Variants in LAMA1 observed in about 807,000 individuals in gnomAD.
LAMA1 encodes the protein laminin subunit alpha-1.
Under a neutral mutation model 348.7 loss-of-function variants are expected in LAMA1, and 219 were observed. The observed-to-expected ratio is 0.63, with a 90% confidence interval of 0.56 to 0.70. LAMA1 has a LOEUF of 0.70. Among genes scored for constraint, LAMA1 ranks in the 30% least tolerant of loss-of-function variants. The pLI is 0.00. For synonymous variants in LAMA1, 1,487 were observed against 1,491.0 expected (o/e 1.00, Z 0.06); for missense variants, 3,744 against 3,888.0 (o/e 0.96, Z 0.99).
chr18:7,089,344 A>G (rs1418755311), intron 1 of LAMA1, among the ~76,000 whole-genome samples: 2 of 106,000 alleles, frequency 1.9e-5, no homozygotes, highest in African/African-American at 7.6e-5. Flanking sequence ...GTGCCACTGC[A>G]CTCCAGCCTG....
At chr18:7,014,362 T>C (rs2057875778) in intron 22 of LAMA1, among the ~76,000 whole-genome samples, 1 of 152,212 alleles carries the variant, frequency 6.6e-6, no homozygotes, top group South Asian at 2.1e-4. Flanking sequence ...GGTTCACGCC[T>C]GCAATTATGG....
chr18:6,978,164 G>T lies in LAMA1; in HGVS notation c.6190+32C>A, dbSNP rs118037753. On this transcript the variant is annotated intron_variant, in intron 43 of 62. Coordinates refer to ENST00000389658, the MANE Select transcript of LAMA1 (RefSeq NM_005559.4). ...AGCTCCACGTCTGCATGACGCAGAC[G>T]ATCATGACTGGAAGGAAGGGCGCTG... The T allele has an allele frequency of 2.6e-3, 4,191 of 1,613,420 alleles. 9 individuals are homozygous for T. The highest frequency in any genetic ancestry group is 3.3e-3 in the Middle Eastern group (20 of 6,060).
At chr18:6,973,325 C>A in intron 46 of LAMA1, 118 bp from the exon 47 acceptor site, 1 of 866,140 alleles carries the variant, frequency 1.2e-6, no homozygotes, top group Non-Finnish European at 1.9e-6. Flanking sequence ...AACAGCACCC[C>A]CCTGCTGGCC....
In LAMA1 at chr18:6,966,234, T is replaced by A. The variant is rs147238612; in HGVS notation, c.6963A>T (p.Ser2321=). 15 of 1,613,824 alleles carry A rather than the reference T, an allele frequency of 9.3e-6. No individual in the cohort carries two copies. ...DGSGYSVVEK[S]LPATVTQIIM... is the part of the protein sequence containing the mutation. ...TTATCTGGGTCACGGTAGCCGGAAGTGACTTCTCCACGACAGAGTACCCAC... is the reference window on the plus strand; with the variant it reads ...TTATCTGGGTCACGGTAGCCGGAAGAGACTTCTCCACGACAGAGTACCCAC... Residue 2321 remains serine (S), a synonymous_variant, in exon 49 of 63, where the codon TCA becomes TCT. Transcript: ENST00000389658.
chr18:6,970,334 G>A (rs2144026206), intron 48 of LAMA1, among the ~76,000 whole-genome samples: 1 of 152,320 alleles, frequency 6.6e-6, no homozygotes, highest in Middle Eastern at 3.4e-3. Flanking sequence ...ATCACTGTAG[G>A]AGACCAGTGG....
At chr18:7,040,472 G>A (rs2058015797) in intron 9 of LAMA1, among the ~76,000 whole-genome samples, 1 of 152,200 alleles carries the variant, frequency 6.6e-6, no homozygotes, top group Non-Finnish European at 1.5e-5. Flanking sequence ...AACAGACAGT[G>A]TGCTGGATTT....
chr18:6,964,592 T>C, intron 51 of LAMA1, 70 bp downstream of exon 51: 1 of 1,564,096 alleles, frequency 6.4e-7, no homozygotes, highest in Non-Finnish European at 8.8e-7. Flanking sequence ...TGTGATACAG[T>C]CCATTCTCAG....
chr18:6,962,083 A>G, intron 51 of LAMA1, 24 bp from the exon 52 acceptor site: 6 of 1,565,840 alleles, frequency 3.8e-6, no homozygotes, highest in Non-Finnish European at 5.3e-6. Flanking sequence ...CATGAGAACA[A>G]TCACAAAATT....
At position 6,966,250 on chromosome 18, in the gene LAMA1, G is replaced by A. The variant is rs749294927; in HGVS notation, c.6947C>T (p.Ser2316Phe). The change falls in exon 49 of 63, where the codon TCT becomes TTT. Residue 2316 changes from serine (S) to phenylalanine (F), a missense_variant. Coordinates refer to ENST00000389658, the MANE Select transcript of LAMA1 (RefSeq NM_005559.4). ...AGCCGGAAGTGACTTCTCCACGACA[G>A]AGTACCCACTCCCGTCAAAATGGAA... ...PSFHFDGSGY[S>F]VVEKSLPATV... 8 of 1,613,954 alleles carry A rather than the reference G, an allele frequency of 5.0e-6. No individual in the cohort carries two copies. The highest frequency in any genetic ancestry group is 5.9e-6 in the Non-Finnish European group (7 of 1,179,954).
intron 55 of LAMA1, 84 bp from the exon 56 acceptor site, chr18:6,956,849 GAAAATCAATT>G: frequency 2.8e-6 from 4 of 1,453,980 alleles, no homozygotes; most frequent in Non-Finnish European, 1.9e-6. Flanking sequence ...ACTGTACAAT[GAAAATCAATT>G]AAAAACCATG....
intron 5 of LAMA1, among the ~76,000 whole-genome samples, 157 bp downstream of exon 5, chr18:7,048,921 A>G (rs141051835): frequency 2.2e-4 from 33 of 152,364 alleles, no homozygotes; most frequent in African/African-American, 7.5e-4. Context: ...GTAACAACAT[A>G]GCAATCTTAC....
intron 34 of LAMA1, among the ~76,000 whole-genome samples, chr18:6,994,860 A>G (rs2057774186): frequency 6.6e-6 from 1 of 152,168 alleles, no homozygotes; most frequent in African/African-American, 2.4e-5. Context: ...CTCACTTGCC[A>G]TTCAGGGCCC....
chr18:7,078,461 T>C (rs1307310196), intron 3 of LAMA1, among the ~76,000 whole-genome samples: 1 of 151,672 alleles, frequency 6.6e-6, no homozygotes, highest in Admixed American at 6.6e-5. Context: ...CCACCGCACC[T>C]GGCTCTTTTC....
intron 3 of LAMA1, among the ~76,000 whole-genome samples, chr18:7,066,495 C>T (rs1462784): frequency 0.048 from 7,256 of 152,136 alleles, 582 homozygotes; most frequent in African/African-American, 0.17. Context: ...TATTGATATT[C>T]AATATCTAAA....
intron 3 of LAMA1, among the ~76,000 whole-genome samples, chr18:7,051,890 C>T (rs1324733896): frequency 1.3e-5 from 2 of 152,122 alleles, no homozygotes; most frequent in African/African-American, 4.8e-5. Flanking sequence ...ACTAAACATG[C>T]TCACCATTCT....
intron 1 of LAMA1, among the ~76,000 whole-genome samples, chr18:7,107,376 C>T (rs2058316548): frequency 6.6e-6 from 1 of 152,084 alleles, no homozygotes; most frequent in African/African-American, 2.4e-5. Flanking sequence ...CCTCCGCCTC[C>T]CAAAGTGCTG....
In LAMA1 at chr18:6,986,151, G is replaced by A; in HGVS notation, c.5365C>T (p.Leu1789=). 1 of 1,614,204 alleles carries A rather than the reference G, an allele frequency of 6.2e-7. No individual in the cohort carries two copies. The highest frequency in any genetic ancestry group is 8.5e-7 in the Non-Finnish European group (1 of 1,180,042). ...NHLLLMVNAN[L]REFSDKKLHV... is the part of the protein sequence containing the mutation. ...GTGAGACTCACACTGAATTCTCTCAGATTAGCATTGACCATGAGCAGCAGG... is the reference window on the plus strand; with the variant it reads ...GTGAGACTCACACTGAATTCTCTCAAATTAGCATTGACCATGAGCAGCAGG... Residue 1789 remains leucine (L), a synonymous_variant, in exon 37 of 63, where the codon CTG becomes TTG. Coordinates refer to ENST00000389658, the MANE Select transcript of LAMA1 (RefSeq NM_005559.4).
intron 3 of LAMA1, among the ~76,000 whole-genome samples, chr18:7,058,894 T>C (rs1171717335): frequency 1.3e-5 from 2 of 152,214 alleles, no homozygotes; most frequent in Non-Finnish European, 2.9e-5. Flanking sequence ...ATGTAGATTT[T>C]TTTTTTCTTT....
In LAMA1 at chr18:7,061,759, T is replaced by G. The variant is rs182700087; in HGVS notation, c.346-10823A>C. On this transcript the variant is annotated intron_variant, in intron 3 of 62. Coordinates refer to ENST00000389658, the MANE Select transcript of LAMA1 (RefSeq NM_005559.4). ...AAAAAAGCAAAACTGGAGGATATGA[T>G]GTAGATGGGCGCGGTGGAGGCCTGC... Among the ~76,000 whole-genome samples, 177 of 152,264 alleles carry G rather than the reference T, an allele frequency of 1.2e-3. 3 individuals carry two copies. Among genetic ancestry groups the G allele is most frequent in the Non-Finnish European group, 3.2e-4 (22 of 68,018 alleles).
Sources: allele counts gnomAD v4.1 joint callset (sites outside exome capture counted in the v4.1 genomes callset), GRCh38; gene constraint gnomAD v4.1.1; transcripts MANE v1.5; gene names NCBI Gene and HGNC (gene_info 2026-07-23, HGNC 2026-07-21).